Variants in FAM120A observed in about 807,000 individuals in gnomAD.
FAM120A encodes constitutive coactivator of PPAR-gamma-like protein 1.
A neutral mutation model predicts 109.7 loss-of-function variants in FAM120A; 15 were observed. The observed-to-expected ratio is 0.14, with a 90% CI of 0.09 to 0.21. FAM120A has a LOEUF of 0.21. Ranked by LOEUF, FAM120A falls within the 10% of genes least tolerant of loss-of-function variation. The pLI, the probability that FAM120A is intolerant of heterozygous loss-of-function variation, is 1.00. For missense variants in FAM120A, 899 were observed against 1,439.3 expected, an observed-to-expected ratio of 0.62 and a Z score of 6.07; for synonymous variants, 493 against 572.8, an observed-to-expected ratio of 0.86 and a Z score of 1.99.
Position 93,557,838 on chromosome 9 carries a change from T to C in FAM120A, c.2496T>C (p.Ala832=), listed in dbSNP as rs1407364367. The change falls in exon 14 of 18, where the codon GCT becomes GCC. Residue 832 remains alanine (A), a synonymous_variant. Transcript: ENST00000277165. ...TCCTTGTCTTCCAGGCTGATCAGGC[T>C]GCCAAGGTAGAGAAGATGCGCCAGA... ...IDLCDGQADQ[A]AKVEKMRQSV... 1.2e-6 allele frequency: 2 copies of C among 1,613,484 alleles called. No individual in the cohort carries two copies. The highest frequency in any genetic ancestry group is 1.7e-6 in the Non-Finnish European group (2 of 1,179,716).
chr9:93,532,089 C>A lies in FAM120A; in HGVS notation c.1735-66C>A. 7.0e-7 allele frequency: 1 copy of A among 1,418,854 alleles called. No individual in the cohort carries two copies. Among genetic ancestry groups the A allele is most frequent in the Non-Finnish European group, 9.9e-7 (1 of 1,012,748 alleles). The allele number at this position is 1,418,854 out of a possible 1,614,324, so 87.9% of individuals were successfully genotyped here. A position where few individuals can be genotyped will look rare whatever the true frequency, so the allele number is the denominator to read the frequency against. On this transcript the variant is annotated intron_variant, in intron 9 of 17. Coordinates refer to ENST00000277165, the MANE Select transcript of FAM120A (RefSeq NM_014612.5). The surrounding 1 kb of genome is among the most constrained non-coding windows in gnomAD (Gnocchi z 4.3). Reference sequence around the variant, plus strand: ...TAACTGGAGATAATACAGTATATTTCTGTGAGTGTATTGTAAATTCAACAT... The same window carrying A: ...TAACTGGAGATAATACAGTATATTTATGTGAGTGTATTGTAAATTCAACAT...
In FAM120A at chr9:93,532,886, C is replaced by T. The variant is rs568548155; in HGVS notation, c.1909+557C>T. ...TGAGACCTGTGCACTTCCAGCTGATCAACTCTGGGAGTGGGGGGTGCAGGT... is the reference window on the plus strand; with the variant it reads ...TGAGACCTGTGCACTTCCAGCTGATTAACTCTGGGAGTGGGGGGTGCAGGT... On this transcript the variant is annotated intron_variant, in intron 10 of 17. Coordinates refer to ENST00000277165, the MANE Select transcript of FAM120A (RefSeq NM_014612.5). The surrounding 1 kb of genome is among the most constrained non-coding windows in gnomAD (Gnocchi z 4.3). Among the ~76,000 whole-genome samples, 1 of 152,166 alleles carries T rather than the reference C, an allele frequency of 6.6e-6. No homozygotes were observed. The highest frequency in any genetic ancestry group is 1.5e-5 in the Non-Finnish European group (1 of 68,028).
chr9:93,472,920 C>G (rs1018879233), intron 2 of FAM120A, among the ~76,000 whole-genome samples: 8 of 152,144 alleles, frequency 5.3e-5, no homozygotes, highest in African/African-American at 1.9e-4. Flanking sequence ...AAAATGGGGA[C>G]TGGGCAGGGA....
rs373248649 is a variant in FAM120A, at chr9:93,564,362, C to T, written c.3179C>T (p.Pro1060Leu). ...AACGGAGTGATGGCCGAGGAGAAGC[C>T]GGCTCCCCAGATGAACGGGAGCACG... ...AENGVMAEEKPAPQMNGSTGD... is the reference protein window; with the variant it reads ...AENGVMAEEKLAPQMNGSTGD... Residue 1060 changes from proline to leucine, a missense_variant, in exon 18 of 18, where the codon CCG (proline) becomes CTG (leucine). By Grantham distance (98) the Pro-to-Leu change is moderately conservative. Transcript: ENST00000277165. 1.9e-5 allele frequency: 31 copies of T among 1,614,044 alleles called. No individual in the cohort carries two copies. The highest frequency in any genetic ancestry group is 2.3e-5 in the Non-Finnish European group (27 of 1,180,038).
chr9:93,456,859 T>C (rs1160246767), intron 1 of FAM120A, among the ~76,000 whole-genome samples: 2 of 152,212 alleles, frequency 1.3e-5, no homozygotes, highest in African/African-American at 2.4e-5. Context: ...AAGAAAAATG[T>C]CCATCAGTAG....
Position 93,451,759 on chromosome 9 carries a change from A to T in FAM120A, c.-157A>T. On this transcript the variant is annotated 5_prime_UTR_variant, in exon 1 of 18. An upstream start codon of the reference 5' UTR is lost. Transcript: ENST00000277165. ...ACATGGCCCTGGGAGGCGGCAGCAC[A>T]TGGCGGCCGCGGCGGCCATGAGCGC... 1 of 977,490 alleles carries T rather than the reference A, an allele frequency of 1.0e-6. No homozygotes were observed. Among genetic ancestry groups the T allele is most frequent in the Non-Finnish European group, 1.2e-6 (1 of 828,418 alleles). The allele number at this position is 977,490 out of a possible 1,614,324, so 60.6% of individuals were successfully genotyped here.
In FAM120A at chr9:93,565,288, T is replaced by C. The variant is rs893947113; in HGVS notation, c.*748T>C. On this transcript the variant is annotated 3_prime_UTR_variant, in exon 18 of 18. Transcript: ENST00000277165. ...TACCATGCATCTGTGATCAATGAAC[T>C]ATGTGGTTTTGAATCGGATGTAGAC... 1 of 152,654 alleles carries C rather than the reference T, an allele frequency of 6.6e-6. No individual in the cohort carries two copies. The highest frequency in any genetic ancestry group is 1.5e-5 in the Non-Finnish European group (1 of 68,040). The allele number at this position is 152,654 out of a possible 1,614,324, so 9.5% of individuals were successfully genotyped here. A position where few individuals can be genotyped will look rare whatever the true frequency, so the allele number is the denominator to read the frequency against.
intron 10 of FAM120A, among the ~76,000 whole-genome samples, chr9:93,538,103 A>G (rs1861582565): frequency 6.6e-6 from 1 of 152,000 alleles, no homozygotes; most frequent in African/African-American, 2.4e-5. Flanking sequence ...ATATATTAGG[A>G]ATAACATACA....
intron 13 of FAM120A, 100 bp from the exon 14 acceptor site, chr9:93,557,727 C>A: frequency 1.7e-6 from 2 of 1,186,520 alleles, no homozygotes; most frequent in Non-Finnish European, 2.3e-6. Context: ...TAAAGGGAAC[C>A]AACTGTATAG....
intron 10 of FAM120A, among the ~76,000 whole-genome samples, chr9:93,539,120 C>A (rs1389884031): frequency 1.3e-5 from 2 of 151,744 alleles, no homozygotes; most frequent in African/African-American, 4.8e-5. Context: ...GCCTCAGCCT[C>A]CCCAGTAGCT....
intron 8 of FAM120A, among the ~76,000 whole-genome samples, chr9:93,528,150 G>A (rs1312780295): frequency 6.6e-6 from 1 of 152,088 alleles, no homozygotes; most frequent in Non-Finnish European, 1.5e-5. Flanking sequence ...ATCCTTTGTG[G>A]ATACATATTA....
chr9:93,453,585 A>T, intron 1 of FAM120A: 2 of 985,368 alleles, frequency 2.0e-6, no homozygotes, highest in Middle Eastern at 1.0e-3. Context: ...TAAGCCTAAA[A>T]TGATAGCGGA....
intron 3 of FAM120A, among the ~76,000 whole-genome samples, chr9:93,487,266 A>G (rs1413660668): frequency 2.0e-5 from 3 of 152,074 alleles, no homozygotes; most frequent in Admixed American, 6.5e-5. Context: ...GGTTCAAGCA[A>G]TTCTTCTGCC....
At chr9:93,460,828 C>A (rs1460874783) in intron 1 of FAM120A, among the ~76,000 whole-genome samples, 2 of 152,148 alleles carry the variant, frequency 1.3e-5, no homozygotes, top group African/African-American at 2.4e-5. Flanking sequence ...TTTAAAGTCC[C>A]CCTAGAGTTA....
chr9:93,502,645 A>G (rs1401466907), intron 5 of FAM120A, among the ~76,000 whole-genome samples: 1 of 151,602 alleles, frequency 6.6e-6, no homozygotes, highest in Non-Finnish European at 1.5e-5. Context: ...TTTTGAGATG[A>G]TTTTGAAAAT....
intron 1 of FAM120A, among the ~76,000 whole-genome samples, chr9:93,461,335 C>G (rs907937808): frequency 1.3e-5 from 2 of 152,166 alleles, no homozygotes; most frequent in Admixed American, 1.3e-4. Context: ...ATAGTAGTAA[C>G]AAGCCAGCCC....
intron 10 of FAM120A, among the ~76,000 whole-genome samples, chr9:93,534,817 A>T (rs1861455593): frequency 6.6e-6 from 1 of 151,768 alleles, no homozygotes; most frequent in Non-Finnish European, 1.5e-5. Context: ...AGAAGTCCAT[A>T]CTTTGGGGCC....
At chr9:93,534,332 T>C (rs946977198) in intron 10 of FAM120A, among the ~76,000 whole-genome samples, 6 of 152,002 alleles carry the variant, frequency 3.9e-5, no homozygotes, top group African/African-American at 9.7e-5. Flanking sequence ...GCCCCGACCT[T>C]CTCTGAGCAC....
In FAM120A at chr9:93,557,994, G is replaced by C. The variant is rs1216718489; in HGVS notation, c.2652G>C (p.Arg884Ser). 1.5e-5 allele frequency: 24 copies of C among 1,595,186 alleles called. No individual in the cohort carries two copies. The highest frequency in any genetic ancestry group is 1.7e-5 in the Non-Finnish European group (20 of 1,177,222). ...GGCCTGTCCCACCCTCTCAGGGCAG[G>C]GGCAGAGGCTTTGCAGGTGAGTTGA... ...HFGPVPPSQG[R>S]GRGFAGVCGF... Residue 884 changes from arginine to serine, a missense_variant, in exon 14 of 18, where the codon AGG becomes AGC. Arg to Ser is a moderately radical substitution (Grantham distance 110, BLOSUM62 -1). Around this residue, in one of 11 missense-constraint regions of FAM120A, gnomAD observed 129 missense variants for 153.4 expected, o/e 0.84. Transcript: ENST00000277165.
Sources: allele counts gnomAD v4.1 joint callset (sites outside exome capture counted in the v4.1 genomes callset), GRCh38; gene constraint gnomAD v4.1.1; regional missense constraint gnomAD v4.1.1; non-coding constraint Gnocchi (gnomAD v3.1); transcripts MANE v1.5; gene names NCBI Gene and HGNC (gene_info 2026-07-23, HGNC 2026-07-21).